The following ASL variants were observed in gnomAD, a reference collection of about 807,000 sequenced individuals.
The protein encoded by ASL is argininosuccinate lyase.
In ASL, 51 loss-of-function variants were observed where a neutral mutation model predicts 69.1. The observed-to-expected ratio is 0.74, with a 90% CI of 0.59 to 0.93. The LOEUF (loss-of-function observed/expected upper bound fraction) is 0.93. ASL is among the 40% of genes least tolerant of loss of function. The pLI is 0.00. For synonymous variants in ASL, 241 were observed against 247.6 expected (o/e 0.97, Z 0.25); for missense variants, 540 against 623.9 (o/e 0.87, Z 1.43).
At chr7:66,089,725 C>T in intron 14 of ASL, 30 bp downstream of exon 14, 1 of 1,610,170 alleles carries the variant, frequency 6.2e-7, no homozygotes, top group Non-Finnish European at 8.5e-7. Context: ...CTTCTCCTCC[C>T]CTAGGTCCCA....
chr7:66,077,137 G>C (rs1786369840), intron 2 of ASL, among the ~76,000 whole-genome samples: 1 of 152,162 alleles, frequency 6.6e-6, no homozygotes, highest in African/African-American at 2.4e-5. Context: ...AGCAACAGTA[G>C]GTGCTCAATA....
In ASL at chr7:66,089,345, C is replaced by G. The variant is rs535237668; in HGVS notation, c.978+10C>G. On this transcript the variant is annotated intron_variant, in intron 13 of 16. Coordinates refer to ENST00000304874, the MANE Select transcript of ASL (RefSeq NM_000048.4). ...CAACAAAGACTTACAGGTGCGAGGCCGGGGGAGGCCTGGCTAGTACGTGCC... is the reference window on the plus strand; with the variant it reads ...CAACAAAGACTTACAGGTGCGAGGCGGGGGGAGGCCTGGCTAGTACGTGCC... 1.1e-5 allele frequency: 18 copies of G among 1,598,734 alleles called. No individual in the cohort carries two copies. Among genetic ancestry groups the G allele is most frequent in the Admixed American group, 1.0e-4 (6 of 57,978 alleles).
intron 2 of ASL, 66 bp from the exon 3 acceptor site, chr7:66,081,737 C>G (rs1786507998): frequency 7.7e-6 from 12 of 1,548,864 alleles, no homozygotes; most frequent in Non-Finnish European, 8.8e-6. Flanking sequence ...TTCCCAAAGA[C>G]TCTTTGCAAG....
chr7:66,088,367 G>C (rs1261024826), intron 10 of ASL, among the ~76,000 whole-genome samples: 2 of 151,840 alleles, frequency 1.3e-5, no homozygotes, highest in Non-Finnish European at 1.5e-5. Context: ...TGTAATCCCA[G>C]CTACTCGGGA....
chr7:66,091,741 G>C (rs1320650906), intron 14 of ASL: 2 of 499,758 alleles, frequency 4.0e-6, no homozygotes, highest in Non-Finnish European at 7.3e-6. Flanking sequence ...AAATCCTCCA[G>C]GAACATCTGA....
rs144716217 is a variant in ASL at position 66,092,655 on chromosome 7, G to A, written c.1242G>A (p.Gln414=). The change falls in exon 16 of 17, where the codon CAG becomes CAA. Residue 414 remains glutamine (Q), a synonymous_variant. Transcript: ENST00000304874. Reference sequence around the variant, plus strand: ...ACCAGCTGTCACTGCAGGAGCTGCAGACCATCAGGTACGGCCCATCCCCTT... The same window carrying A: ...ACCAGCTGTCACTGCAGGAGCTGCAAACCATCAGGTACGGCCCATCCCCTT... ...ALNQLSLQEL[Q]TISPLFSGDV... is the part of the protein sequence containing the mutation. 22 of 1,613,614 alleles carry A rather than the reference G, an allele frequency of 1.4e-5. No individual in the cohort carries two copies. In the African/African-American group the frequency reaches 1.7e-4, roughly 13 times the overall value.
intron 2 of ASL, among the ~76,000 whole-genome samples, chr7:66,076,657 C>T (rs1483682112): frequency 6.6e-6 from 1 of 152,186 alleles, no homozygotes; most frequent in African/African-American, 2.4e-5. Flanking sequence ...TCAGTGGCTC[C>T]TGGCCTCTCC....
chr7:66,088,032 C>T (rs1013671975), intron 10 of ASL, among the ~76,000 whole-genome samples: 13 of 151,928 alleles, frequency 8.6e-5, no homozygotes, highest in African/African-American at 3.1e-4. Context: ...TGTGTGGTGG[C>T]AGGTGCCTGT....
chr7:66,085,127 A>C (rs1054356777), intron 6 of ASL, among the ~76,000 whole-genome samples: 1 of 152,202 alleles, frequency 6.6e-6, no homozygotes, highest in African/African-American at 2.4e-5. Flanking sequence ...GTTGTACAGT[A>C]AAGTGTAAAC....
chr7:66,083,346 C>T, intron 6 of ASL, 172 bp downstream of exon 6: 2 of 635,754 alleles, frequency 3.1e-6, no homozygotes, highest in South Asian at 1.8e-5. Flanking sequence ...TTCCTGCAGG[C>T]CCCAATACTC....
At chr7:66,080,385 C>CAAAAA (rs138360695) in intron 2 of ASL, among the ~76,000 whole-genome samples, 6 of 61,328 alleles carry the variant, frequency 9.8e-5, no homozygotes, top group Non-Finnish European at 1.4e-4. Flanking sequence ...GACTCCATCT[C>CAAAAA]AAAAAAAAAA....
Position 66,082,406 on chromosome 7 carries a change from C to T in ASL, c.246C>T (p.Asn82=), listed in dbSNP as rs1281983139. 1.9e-6 allele frequency: 3 copies of T among 1,612,656 alleles called. No homozygotes were observed. The highest frequency in any genetic ancestry group is 2.2e-5 in the East Asian group (1 of 44,844). Residue 82 remains asparagine, a synonymous_variant, in exon 4 of 17, where the codon AAC becomes AAT. Transcript: ENST00000304874. ...EEWAQGTFKL[N]SNDEDIHTAN... is the part of the protein sequence containing the mutation. ...GGGCCCAGGGCACCTTCAAACTGAA[C>T]TCCAATGATGAGGACATCCACACAG...
chr7:66,087,666 G>A, intron 9 of ASL, 63 bp from the exon 10 acceptor site: 1 of 1,602,284 alleles, frequency 6.2e-7, no homozygotes, highest in Non-Finnish European at 8.5e-7. Context: ...GGGCAACCTA[G>A]TTGGGGGAGA....
chr7:66,086,987 T>C, intron 8 of ASL, 166 bp downstream of exon 8: 1 of 886,920 alleles, frequency 1.1e-6, no homozygotes, highest in Non-Finnish European at 1.7e-6. Context: ...GACCAAGCCA[T>C]TGAATGTGTC....
rs1187108483 is a variant in ASL, at chr7:66,089,131, A to C, written c.874A>C (p.Ser292Arg). 3 of 1,613,278 alleles carry C rather than the reference A, an allele frequency of 1.9e-6. No individual in the cohort carries two copies. Among genetic ancestry groups the C allele is most frequent in the Non-Finnish European group, 2.5e-6 (3 of 1,179,772 alleles). ...SLMPQKKNPD[S>R]LELIRSKAGR... ...GATGCCCCAGAAGAAAAACCCCGAC[A>C]GTTTGGAGCTGATCCGGAGCAAGGC... The change falls in exon 12 of 17, where the codon AGT becomes CGT. Residue 292 changes from serine (S) to arginine (R), a missense_variant. Transcript: ENST00000304874.
At chr7:66,083,643 C>G (rs942178784) in intron 6 of ASL, among the ~76,000 whole-genome samples, 2 of 151,592 alleles carry the variant, frequency 1.3e-5, no homozygotes, top group African/African-American at 4.9e-5. Context: ...GAGATCGCGC[C>G]ATTGCACTCC....
intron 10 of ASL, 116 bp downstream of exon 10, chr7:66,087,907 A>C: frequency 7.4e-7 from 1 of 1,348,076 alleles, no homozygotes; most frequent in Non-Finnish European, 1.0e-6. Flanking sequence ...GATATTGTAC[A>C]CTGAAGTATA....
chr7:66,078,598 A>G (rs1356179591), intron 2 of ASL, among the ~76,000 whole-genome samples: 6 of 152,070 alleles, frequency 3.9e-5, no homozygotes, highest in Non-Finnish European at 8.8e-5. Flanking sequence ...CAATAAGGCT[A>G]TCAGAGAGGT....
At chr7:66,092,327 C>T (rs545798147) in intron 15 of ASL, among the ~76,000 whole-genome samples, 4 of 152,116 alleles carry the variant, frequency 2.6e-5, no homozygotes, top group African/African-American at 4.8e-5. Flanking sequence ...TGTGGTGGCA[C>T]ACTCCTGTAA....
Sources: allele counts gnomAD v4.1 joint callset (sites outside exome capture counted in the v4.1 genomes callset), GRCh38; gene constraint gnomAD v4.1.1; transcripts MANE v1.5; gene names NCBI Gene and HGNC (gene_info 2026-07-23, HGNC 2026-07-21).